Variants in NECTIN1 observed in about 807,000 individuals in gnomAD.
The protein encoded by NECTIN1 is nectin-1.
NECTIN1 carries 23 observed loss-of-function variants against 48.0 expected under a neutral mutation model. The observed-to-expected ratio is 0.48, with a 90% CI of 0.34 to 0.68. NECTIN1 has a LOEUF of 0.68. Among genes scored for constraint, NECTIN1 ranks in the 30% least tolerant of loss-of-function variants. The pLI, the probability that NECTIN1 is intolerant of heterozygous loss-of-function variation, is 0.01. For synonymous variants in NECTIN1, 270 were observed against 288.9 expected, an observed-to-expected ratio of 0.93 and a Z score of 0.66; for missense variants, 591 against 709.9, an observed-to-expected ratio of 0.83 and a Z score of 1.90.
intron 1 of NECTIN1, among the ~76,000 whole-genome samples, chr11:119,725,726 G>T (rs1263864589): frequency 6.6e-6 from 1 of 152,214 alleles, no homozygotes; most frequent in East Asian, 1.9e-4. Flanking sequence ...CTGCAGAGAG[G>T]GGTGTGCTGT....
At chr11:119,713,631 C>A (rs950883596) in intron 1 of NECTIN1, 11 of 315,590 alleles carry the variant, frequency 3.5e-5, no homozygotes, top group South Asian at 2.3e-4. Flanking sequence ...ACACCAACCG[C>A]TACTCTCAGC....
At chr11:119,644,181 A>T (rs1240763117) in intron 5 of NECTIN1, among the ~76,000 whole-genome samples, 15 of 152,166 alleles carry the variant, frequency 9.9e-5, no homozygotes, top group Non-Finnish European at 1.5e-5. Context: ...GTGACAGTGC[A>T]TCTGGTTTTC....
intron 5 of NECTIN1, among the ~76,000 whole-genome samples, chr11:119,645,975 C>T (rs1188676303): frequency 1.3e-5 from 2 of 152,208 alleles, no homozygotes; most frequent in Admixed American, 6.5e-5. Flanking sequence ...AGGCTCAACC[C>T]TCTTGTCTAC....
At position 119,663,803 on chromosome 11, in the gene NECTIN1, C is replaced by G. The variant is rs1864711045; in HGVS notation, c.*944G>C. The G allele has an allele frequency of 1.0e-6, 1 of 985,430 alleles. No homozygotes were observed. The highest frequency in any genetic ancestry group is 1.7e-5 in the African/African-American group (1 of 57,250). The allele number at this position is 985,430 out of a possible 1,614,324, so 61.0% of individuals were successfully genotyped here. A position where few individuals can be genotyped will look rare whatever the true frequency, so the allele number is the denominator to read the frequency against. On this transcript the variant is annotated 3_prime_UTR_variant, in exon 6 of 6. Coordinates refer to ENST00000264025, the MANE Select transcript of NECTIN1 (RefSeq NM_002855.5). ...GGAGGCACCGGGGACCCAGTCTCAG[C>G]TGTCTCTGGAAGCTTCTATAGGCAG...
In NECTIN1 at chr11:119,664,918, G is replaced by C. The variant is rs140477415; in HGVS notation, c.1383C>G (p.Asp461Glu). 13 of 1,613,710 alleles carry C rather than the reference G, an allele frequency of 8.1e-6. No homozygotes were observed. In the African/African-American group the frequency reaches 1.6e-4, roughly 20 times the overall value. Residue 461 changes from aspartate (D) to glutamate (E), a missense_variant, in exon 6 of 6, where the codon GAC becomes GAG. Asp to Glu is a conservative substitution (Grantham distance 45). Transcript: ENST00000264025. Reference protein sequence around the residue: ...RKVGGPHPKYDEDAKRPYFTV... With the variant: ...RKVGGPHPKYEEDAKRPYFTV... ...TGAAGTAGGGCCGCTTGGCGTCCTCGTCATATTTGGGGTGGGGGCCGCCCA... is the reference window on the plus strand; with the variant it reads ...TGAAGTAGGGCCGCTTGGCGTCCTCCTCATATTTGGGGTGGGGGCCGCCCA...
At chr11:119,640,008 C>T in exon 6 of NECTIN1, 1 of 1,611,004 alleles carries the variant, frequency 6.2e-7, no homozygotes, top group East Asian at 2.2e-5. Flanking sequence ...GGGGGCGGGG[C>T]TTTTCTGGAA....
At position 119,709,057 on chromosome 11, in the gene NECTIN1, C is replaced by T. The variant is rs1354202273; in HGVS notation, c.79+19418G>A. 1.3e-5 allele frequency among the ~76,000 whole-genome samples: 2 copies of T among 151,990 alleles called. No homozygotes were observed. Among genetic ancestry groups the T allele is most frequent in the East Asian group, 1.9e-4 (1 of 5,182 alleles). On this transcript the variant is annotated intron_variant, in intron 1 of 5. Transcript: ENST00000264025. This position sits in a 1 kb window ranked among gnomAD's most constrained non-coding sequence, Gnocchi z 4.1. ...AGATCCTGAGACACTCTACCCCCCA[C>T]GCCCGCCCACATAGCCAACATATCG...
At chr11:119,696,710 C>A (rs1865346548) in intron 1 of NECTIN1, among the ~76,000 whole-genome samples, 1 of 152,112 alleles carries the variant, frequency 6.6e-6, no homozygotes, top group Admixed American at 6.5e-5. Flanking sequence ...GGTGGGTTCC[C>A]CAGGGTGGGA....
At chr11:119,638,273 C>T in intron 7 of NECTIN1, 3 of 1,613,430 alleles carry the variant, frequency 1.9e-6, no homozygotes, top group Non-Finnish European at 2.5e-6. Flanking sequence ...GTGAGTGCTG[C>T]ACAGACCTTT....
chr11:119,643,909 T>C (rs1255488776), intron 5 of NECTIN1, among the ~76,000 whole-genome samples: 1 of 152,098 alleles, frequency 6.6e-6, no homozygotes, highest in East Asian at 1.9e-4. Flanking sequence ...TCCTGGGAGG[T>C]TGGCTATGTG....
At chr11:119,725,554 G>T (rs967029379) in intron 1 of NECTIN1, among the ~76,000 whole-genome samples, 27 of 152,192 alleles carry the variant, frequency 1.8e-4, no homozygotes, top group African/African-American at 6.5e-4. Flanking sequence ...CAAACCCCAG[G>T]CCAGCAGAAT....
At chr11:119,646,390 A>G (rs1864396243) in intron 5 of NECTIN1, among the ~76,000 whole-genome samples, 1 of 152,220 alleles carries the variant, frequency 6.6e-6, no homozygotes, top group African/African-American at 2.4e-5. Context: ...TAGCTGTTCA[A>G]TAAACAGAAA....
rs1051015137 is a variant in NECTIN1, at chr11:119,672,737, C to T, written c.1003+2422G>A. 1.3e-5 allele frequency among the ~76,000 whole-genome samples: 2 copies of T among 152,200 alleles called. No homozygotes were observed. The highest frequency in any genetic ancestry group is 4.8e-5 in the African/African-American group (2 of 41,444). On this transcript the variant is annotated intron_variant, in intron 5 of 5. Transcript: ENST00000264025. The surrounding 1 kb of genome is among the most constrained non-coding windows in gnomAD (Gnocchi z 4.3). ...TCCTTCCTCCCTGCCCACTCTGCTC[C>T]AGCCATTTTCCTTCCCATGCTTCCC...
At chr11:119,659,235 C>G (rs1400599547), downstream of NECTIN1, 1 of 152,202 alleles carries the variant, frequency 6.6e-6, no homozygotes, top group African/African-American at 2.4e-5. Flanking sequence ...CATTGCAGTG[C>G]CAGAGTGGCC....
intron 5 of NECTIN1, among the ~76,000 whole-genome samples, chr11:119,650,386 A>T (rs1056928953): frequency 1.3e-5 from 2 of 152,150 alleles, no homozygotes; most frequent in Non-Finnish European, 2.9e-5. Context: ...CTTCCATAGC[A>T]TCTTTTCCAG....
intron 5 of NECTIN1, among the ~76,000 whole-genome samples, chr11:119,648,397 GTGGTGATGGTGATGGTGGTGGTGA>G (rs1864442633): frequency 1.6e-5 from 1 of 63,372 alleles, no homozygotes; most frequent in African/African-American, 7.2e-5. Flanking sequence ...GGTGGTGATG[GTGGTGATGGTGATGGTGGTGGTGA>G]TGGTGGTGAT....
Position 119,683,019 on chromosome 11 carries a change from G to A in NECTIN1, c.80-4254C>T, listed in dbSNP as rs1030550503. ...TGTCTAGCCTGTCTCCCAACCAATT[G>A]TAAGCCCCTGCAGGAGATGAAAGGA... is the stretch of plus-strand genomic sequence containing the variant. On this transcript the variant is annotated intron_variant, in intron 1 of 5. Transcript: ENST00000264025. This position sits in a 1 kb window ranked among gnomAD's most constrained non-coding sequence, Gnocchi z 4.0. Among the ~76,000 whole-genome samples the A allele has an allele frequency of 6.6e-6, 1 of 152,166 alleles. No individual in the cohort carries two copies. Among genetic ancestry groups the A allele is most frequent in the Non-Finnish European group, 1.5e-5 (1 of 68,034 alleles).
At chr11:119,728,353 A>T (rs577197872) in intron 1 of NECTIN1, 122 bp downstream of exon 1, 3 of 953,186 alleles carry the variant, frequency 3.1e-6, no homozygotes, top group Non-Finnish European at 3.2e-6. Context: ...CCTTTACCCA[A>T]GCCGTGACCC....
At chr11:119,643,509 T>A (rs573080552) in intron 5 of NECTIN1, among the ~76,000 whole-genome samples, 2 of 152,304 alleles carry the variant, frequency 1.3e-5, no homozygotes, top group African/African-American at 4.8e-5. Context: ...CTGTGGGGTC[T>A]TAGTATTTCT....
Sources: gnomAD v4.1 joint callset for allele counts (sites outside exome capture counted in the v4.1 genomes callset) on GRCh38, gnomAD v4.1.1 for gene constraint, Gnocchi (gnomAD v3.1) non-coding constraint, MANE v1.5 for transcripts, NCBI Gene and HGNC (gene_info 2026-07-23, HGNC 2026-07-21) for gene names.